Variants in FAM178B observed in about 807,000 individuals in gnomAD.
FAM178B encodes protein FAM178B.
In FAM178B, 82 loss-of-function variants were observed where a neutral mutation model predicts 91.7. The ratio of observed to expected loss-of-function variants is 0.89; its 90% CI spans 0.75 to 1.07. The LOEUF (loss-of-function observed/expected upper bound fraction) is 1.07, where lower values mean the gene tolerates loss of function less well. Ranked by LOEUF, FAM178B falls within the 50% of genes least tolerant of loss-of-function variation. The probability of loss-of-function intolerance (pLI) is 0.00; values close to 1 mark genes in which losing one functional copy is unlikely to be tolerated. For synonymous variants in FAM178B, 368 were observed against 359.4 expected, an observed-to-expected ratio of 1.02 and a Z score of -0.27; for missense variants, 769 against 846.7, an observed-to-expected ratio of 0.91 and a Z score of 1.14.
At chr2:96,878,317 T>TAA in intron 15 of FAM178B, 99 bp downstream of exon 15, 5 of 1,180,276 alleles carry the variant, frequency 4.2e-6, no homozygotes, top group Non-Finnish European at 6.2e-6. Context: ...CTGCAGTTCC[T>TAA]AACAGTGGGC....
intron 1 of FAM178B, among the ~76,000 whole-genome samples, chr2:96,980,162 G>T (rs1574329297): frequency 6.7e-6 from 1 of 149,326 alleles, no homozygotes; most frequent in Admixed American, 6.7e-5. Context: ...TGCAACCTCC[G>T]CCTCCCCGTT....
chr2:96,963,104 A>C (rs2082103724), intron 5 of FAM178B, among the ~76,000 whole-genome samples: 1 of 152,246 alleles, frequency 6.6e-6, no homozygotes, highest in Non-Finnish European at 1.5e-5. Flanking sequence ...CAAAGCCAGG[A>C]CTACCTTCTG....
Position 96,986,562 on chromosome 2 carries a change from G to A in FAM178B, c.-249C>T. 2.0e-6 allele frequency: 1 copy of A among 501,760 alleles called. No individual in the cohort carries two copies. 31.1% of individuals were successfully genotyped at this position (501,760 alleles called of 1,614,324 possible). On this transcript the variant is annotated 5_prime_UTR_variant, in exon 1 of 17. Coordinates refer to ENST00000490605, the MANE Select transcript of FAM178B (RefSeq NM_001122646.3). ...ACAGCCGCCGCCGCCGCCAGCTGGG[G>A]AGCTCGCCGGCCAAGTGCGCACCCT... is the stretch of plus-strand genomic sequence containing the variant.
intron 6 of FAM178B, among the ~76,000 whole-genome samples, chr2:96,952,859 T>C (rs1236209607): frequency 1.3e-5 from 2 of 152,172 alleles, no homozygotes; most frequent in East Asian, 1.9e-4. Context: ...CCCAAATGCA[T>C]GCAAAGAACA....
chr2:96,895,032 C>CA (rs1176726616), intron 13 of FAM178B: 1 of 1,286,262 alleles, frequency 7.8e-7, no homozygotes, highest in Non-Finnish European at 1.0e-6. Flanking sequence ...GAAGAGAGAC[C>CA]ATGGACTAAG....
intron 1 of FAM178B, among the ~76,000 whole-genome samples, chr2:96,974,467 GAAGAAA>G (rs1460439330): frequency 6.6e-6 from 1 of 151,144 alleles, no homozygotes; most frequent in Non-Finnish European, 1.5e-5. Context: ...GGCATTAATG[GAAGAAA>G]AAGAAAAATA....
At position 96,960,395 on chromosome 2, in the gene FAM178B, C is replaced by T. The variant is rs779258807; in HGVS notation, c.780G>A (p.Pro260=). The change falls in exon 6 of 17, where the codon CCG becomes CCA. Residue 260 remains proline, a synonymous_variant. Coordinates refer to ENST00000490605, the MANE Select transcript of FAM178B (RefSeq NM_001122646.3). ...GAAACACAGTCTCACCTGGATGGAC[C>T]GGCGGGATGGTCTGCAGGGACACTG... is the stretch of plus-strand genomic sequence containing the variant. ...KYSVSLQTIP[P]VHPGETVFLP... is the part of the protein sequence containing the mutation. 5.3e-5 allele frequency: 83 copies of T among 1,551,496 alleles called. 1 individual carries two copies. The African/African-American group carries it at 6.3e-4, about 12-fold the overall frequency.
At chr2:96,877,782 G>T (rs1293790874) in intron 16 of FAM178B, 108 bp downstream of exon 16, 5 of 1,170,774 alleles carry the variant, frequency 4.3e-6, no homozygotes, top group Non-Finnish European at 6.0e-6. Flanking sequence ...CCATATCCCT[G>T]CCAGGAGCTC....
At chr2:96,975,974 G>A (rs2082282688) in intron 1 of FAM178B, among the ~76,000 whole-genome samples, 1 of 152,032 alleles carries the variant, frequency 6.6e-6, no homozygotes, top group Non-Finnish European at 1.5e-5. Flanking sequence ...TAGGGGAATT[G>A]AACAACACTA....
At chr2:96,948,622 C>T (rs751314485) in intron 7 of FAM178B, among the ~76,000 whole-genome samples, 3 of 152,206 alleles carry the variant, frequency 2.0e-5, no homozygotes. Flanking sequence ...TGCATGACAT[C>T]GTTCCTCCCC....
intron 1 of FAM178B, among the ~76,000 whole-genome samples, chr2:96,975,891 G>A (rs1302688607): frequency 6.6e-6 from 1 of 152,142 alleles, no homozygotes; most frequent in Non-Finnish European, 1.5e-5. Context: ...GGGAATACAG[G>A]CATGAACCAC....
chr2:96,893,195 G>A (rs1285081710), intron 14 of FAM178B, among the ~76,000 whole-genome samples: 1 of 152,066 alleles, frequency 6.6e-6, no homozygotes, highest in Non-Finnish European at 1.5e-5. Flanking sequence ...TCATTCCCGA[G>A]TCCCCAGGGG....
intron 8 of FAM178B, among the ~76,000 whole-genome samples, chr2:96,935,856 G>A (rs920168125): frequency 7.3e-5 from 11 of 151,302 alleles, no homozygotes; most frequent in East Asian, 2.0e-4. Context: ...GGCTGGTCTC[G>A]AACTCCTGAC....
chr2:96,907,840 G>C (rs1296972071), intron 12 of FAM178B, among the ~76,000 whole-genome samples: 1 of 152,226 alleles, frequency 6.6e-6, no homozygotes. Context: ...TCCCTGGGAG[G>C]AGAACTGGGC....
chr2:96,884,037 TCTACCCTGGG>T (rs766387559), intron 14 of FAM178B, among the ~76,000 whole-genome samples: 21 of 152,328 alleles, frequency 1.4e-4, no homozygotes, highest in South Asian at 1.2e-3. Context: ...GCTGTGCTGG[TCTACCCTGGG>T]CCCTTTCAGA....
chr2:96,972,986 CTGAGGTCAGGAGGT>C (rs2082243837), intron 1 of FAM178B, among the ~76,000 whole-genome samples: 1 of 151,826 alleles, frequency 6.6e-6, no homozygotes, highest in Admixed American at 6.6e-5. Context: ...GACGGATCAC[CTGAGGTCAGGAGGT>C]CAAGCCCAGC....
intron 6 of FAM178B, among the ~76,000 whole-genome samples, chr2:96,955,468 G>C (rs1223906502): frequency 2.0e-5 from 3 of 148,182 alleles, no homozygotes; most frequent in Non-Finnish European, 3.0e-5. Flanking sequence ...CCAAGATTGC[G>C]CCACTGCACT....
chr2:96,889,332 A>G (rs1333433448), intron 14 of FAM178B, among the ~76,000 whole-genome samples: 3 of 152,182 alleles, frequency 2.0e-5, no homozygotes, highest in Admixed American at 6.5e-5. Context: ...TCCTTGTACT[A>G]TATGCCTCCC....
intron 8 of FAM178B, among the ~76,000 whole-genome samples, chr2:96,936,368 AG>A (rs68006198): frequency 0.48 from 72,804 of 150,876 alleles, 20,834 homozygotes; most frequent in Non-Finnish European, 0.66. Flanking sequence ...CGCCCGGCTA[AG>A]TTTTTGTATT....
Sources: gnomAD v4.1 joint callset for allele counts (sites outside exome capture counted in the v4.1 genomes callset) on GRCh38, gnomAD v4.1.1 for gene constraint, MANE v1.5 for transcripts, NCBI Gene and HGNC (gene_info 2026-07-23, HGNC 2026-07-21) for gene names.